MAGI2: variants seen among roughly 807,000 people sequenced by gnomAD.
The protein encoded by MAGI2 is membrane associated guanylate kinase, WW and PDZ domain containing 2.
In MAGI2, 35 loss-of-function variants were observed where a neutral mutation model predicts 133.3. That is an observed-to-expected ratio of 0.26 (90% confidence interval 0.20 to 0.35). The LOEUF (loss-of-function observed/expected upper bound fraction) is 0.35. Ranked by LOEUF, MAGI2 falls within the 10% of genes least tolerant of loss-of-function variation. The pLI is 1.00. For synonymous variants in MAGI2, 729 were observed against 710.6 expected, an observed-to-expected ratio of 1.03 and a Z score of -0.41; for missense variants, 1,636 against 1,863.4, an observed-to-expected ratio of 0.88 and a Z score of 2.25.
At chr7:79,088,337 CT>C (rs2129542329) in intron 1 of MAGI2, among the ~76,000 whole-genome samples, 1 of 152,180 alleles carries the variant, frequency 6.6e-6, no homozygotes, top group Non-Finnish European at 1.5e-5. Flanking sequence ...TATAGGAATG[CT>C]TGTGATTTTT....
At chr7:78,109,073 G>A (rs571554587) in intron 20 of MAGI2, among the ~76,000 whole-genome samples, 34 of 151,796 alleles carry the variant, frequency 2.2e-4, no homozygotes, top group Admixed American at 1.9e-3. Flanking sequence ...GGGAGGCCGA[G>A]GCGGGCGGAT....
intron 3 of MAGI2, among the ~76,000 whole-genome samples, chr7:78,611,285 T>G (rs73378244): frequency 0.015 from 2,243 of 152,328 alleles, 71 homozygotes; most frequent in African/African-American, 0.051. Flanking sequence ...GGCCATAATC[T>G]ATCTTTCTTC....
chr7:78,433,802 G>A (rs1007094179), intron 6 of MAGI2, among the ~76,000 whole-genome samples: 2 of 152,054 alleles, frequency 1.3e-5, no homozygotes, highest in Non-Finnish European at 2.9e-5. Context: ...CAGTTTTAGA[G>A]CCAGAATACG....
chr7:78,658,478 T>G (rs2151033485), intron 2 of MAGI2, among the ~76,000 whole-genome samples: 1 of 152,280 alleles, frequency 6.6e-6, no homozygotes, highest in East Asian at 1.9e-4. Context: ...AAACTGGGCT[T>G]CATATAATTA....
chr7:78,303,192 A>G (rs1797979429), intron 9 of MAGI2, among the ~76,000 whole-genome samples: 2 of 152,102 alleles, frequency 1.3e-5, no homozygotes, highest in African/African-American at 4.8e-5. Context: ...AGCCTGGCCA[A>G]CATGGTGAAA....
intron 2 of MAGI2, among the ~76,000 whole-genome samples, chr7:78,878,988 C>G (rs1322583706): frequency 6.6e-6 from 1 of 152,140 alleles, no homozygotes; most frequent in Non-Finnish European, 1.5e-5. Context: ...GACTATAGTT[C>G]AGTAGGGCCC....
In MAGI2 at chr7:78,057,991, A is replaced by G. The variant is rs368302706; in HGVS notation, c.3706+20956T>C. On this transcript the variant is annotated intron_variant, in intron 21 of 21. Coordinates refer to ENST00000354212, the MANE Select transcript of MAGI2 (RefSeq NM_012301.4). ...TATATATATGTGTATATATATATATATATATATATATATGTATGAGAAACA... is the reference window on the plus strand; with the variant it reads ...TATATATATGTGTATATATATATATGTATATATATATATGTATGAGAAACA... 1.6e-3 allele frequency among the ~76,000 whole-genome samples: 50 copies of G among 30,474 alleles called. 2 individuals carry two copies. Among genetic ancestry groups the G allele is most frequent in the East Asian group, 3.0e-3 (1 of 334 alleles). The allele number at this position is 30,474 out of a possible 152,430, so 20.0% of individuals were successfully genotyped here. A position where few individuals can be genotyped will look rare whatever the true frequency, so the allele number is the denominator to read the frequency against.
intron 2 of MAGI2, among the ~76,000 whole-genome samples, chr7:78,859,486 C>G (rs1793966622): frequency 6.6e-6 from 1 of 152,056 alleles, no homozygotes; most frequent in Non-Finnish European, 1.5e-5. Flanking sequence ...TTTTATTTCT[C>G]CTTCACTTAT....
rs551743076 is a variant in MAGI2, at chr7:79,213,450, A to G, written c.302-206244T>C. ...TCTCCAGCCTCAGCCCCCTGGGATG[A>G]TAAGTGTGCACCTACGTGCCTGGCT... is the stretch of plus-strand genomic sequence containing the variant. On this transcript the variant is annotated intron_variant, in intron 1 of 21. Coordinates refer to ENST00000354212, the MANE Select transcript of MAGI2 (RefSeq NM_012301.4). Among the ~76,000 whole-genome samples, 44 of 152,120 alleles carry G rather than the reference A, an allele frequency of 2.9e-4. No homozygotes were observed. In the South Asian group the frequency reaches 8.9e-3, roughly 31 times the overall value.
intron 1 of MAGI2, among the ~76,000 whole-genome samples, chr7:79,241,739 C>T (rs977662437): frequency 6.6e-6 from 1 of 152,114 alleles, no homozygotes; most frequent in African/African-American, 2.4e-5. Context: ...AGATTTGTGA[C>T]TCTCCCAACT....
At chr7:78,649,344 A>G (rs1177936554) in intron 2 of MAGI2, among the ~76,000 whole-genome samples, 5 of 151,506 alleles carry the variant, frequency 3.3e-5, no homozygotes, top group Admixed American at 3.3e-4. Context: ...TTTACATGTT[A>G]GGAGACTATA....
chr7:79,056,216 C>T (rs1404067759), intron 1 of MAGI2, among the ~76,000 whole-genome samples: 1 of 148,990 alleles, frequency 6.7e-6, no homozygotes, highest in Non-Finnish European at 1.5e-5. Context: ...GAGATTCCAT[C>T]TCAAAAAACA....
intron 2 of MAGI2, among the ~76,000 whole-genome samples, chr7:78,754,347 G>A (rs576333838): frequency 6.6e-5 from 10 of 150,578 alleles, no homozygotes; most frequent in Non-Finnish European, 1.5e-4. Context: ...CTCCAGCCTG[G>A]GCAGCAGAGC....
At chr7:78,662,956 C>T (rs1585009752) in intron 2 of MAGI2, among the ~76,000 whole-genome samples, 2 of 152,132 alleles carry the variant, frequency 1.3e-5, no homozygotes, top group African/African-American at 4.8e-5. Context: ...GTAATCTAGA[C>T]ACAGAGTGGT....
intron 16 of MAGI2, among the ~76,000 whole-genome samples, chr7:78,140,643 G>A (rs1469429276): frequency 6.6e-6 from 1 of 152,198 alleles, no homozygotes; most frequent in Non-Finnish European, 1.5e-5. Context: ...GAAAATAAAT[G>A]CTTTTTAAAA....
chr7:78,457,597 CTTTTAATAAAA>C (rs1789457834), intron 6 of MAGI2, among the ~76,000 whole-genome samples: 2 of 152,092 alleles, frequency 1.3e-5, no homozygotes, highest in South Asian at 4.2e-4. Flanking sequence ...AGTCCATGTT[CTTTTAATAAAA>C]GTAATAAAAA....
chr7:79,074,621 C>A (rs906367519), intron 1 of MAGI2, among the ~76,000 whole-genome samples: 9 of 152,150 alleles, frequency 5.9e-5, no homozygotes, highest in Admixed American at 2.0e-4. Flanking sequence ...TACTATGATA[C>A]AATAGCTAGA....
intron 1 of MAGI2, among the ~76,000 whole-genome samples, chr7:79,424,748 T>C (rs1035068076): frequency 6.6e-6 from 1 of 152,326 alleles, no homozygotes; most frequent in South Asian, 2.1e-4. Flanking sequence ...TCACATAGTC[T>C]ATATTCACTC....
chr7:78,231,176 A>G (rs1584486215), intron 10 of MAGI2, among the ~76,000 whole-genome samples: 3 of 152,346 alleles, frequency 2.0e-5, no homozygotes, highest in Middle Eastern at 3.4e-3. Flanking sequence ...TGAGGACCAC[A>G]CCTTAAGGAG....
Sources: allele counts gnomAD v4.1 joint callset (sites outside exome capture counted in the v4.1 genomes callset), GRCh38; gene constraint gnomAD v4.1.1; transcripts MANE v1.5; gene names NCBI Gene and HGNC (gene_info 2026-07-23, HGNC 2026-07-21).